CHST11: variants seen among roughly 807,000 people sequenced by gnomAD.
CHST11 encodes the protein C4S-1.
A neutral mutation model predicts 30.4 loss-of-function variants in CHST11; 9 were observed. The observed-to-expected ratio is 0.30, with a 90% CI of 0.18 to 0.52. The LOEUF (loss-of-function observed/expected upper bound fraction) is 0.52. Ranked by LOEUF, CHST11 falls within the 20% of genes least tolerant of loss-of-function variation. The pLI is 0.97. For missense variants in CHST11, 348 were observed against 460.6 expected, an observed-to-expected ratio of 0.76 and a Z score of 2.24; for synonymous variants, 152 against 187.8, an observed-to-expected ratio of 0.81 and a Z score of 1.56.
In CHST11 at chr12:104,729,675, G is replaced by A. The variant is rs539310943; in HGVS notation, c.205-27274G>A. On this transcript the variant is annotated intron_variant, in intron 2 of 2. Transcript: ENST00000303694. The surrounding 1 kb of genome is among the most constrained non-coding windows in gnomAD (Gnocchi z 4.0). Reference sequence around the variant, plus strand: ...TCGCAACTTGAACCTTGCTGGAGAAGTGAGAAGTGGGTGTGCAGAATCGTA... The same window carrying A: ...TCGCAACTTGAACCTTGCTGGAGAAATGAGAAGTGGGTGTGCAGAATCGTA... Among the ~76,000 whole-genome samples the A allele has an allele frequency of 1.3e-5, 2 of 152,328 alleles. No homozygotes were observed. The highest frequency in any genetic ancestry group is 4.8e-5 in the African/African-American group (2 of 41,592).
intron 1 of CHST11, among the ~76,000 whole-genome samples, chr12:104,577,354 C>T (rs532161115): frequency 1.4e-5 from 2 of 147,216 alleles, no homozygotes; most frequent in East Asian, 2.1e-4. Context: ...AGTACATTCA[C>T]GTTGTGTTCA....
chr12:104,738,194 C>T (rs1020690780), intron 2 of CHST11, among the ~76,000 whole-genome samples: 9 of 152,070 alleles, frequency 5.9e-5, no homozygotes, highest in Non-Finnish European at 1.3e-4. Flanking sequence ...TTCAGCAGAC[C>T]GGCCTGCCCT....
At chr12:104,463,228 C>A (rs2135949231) in intron 1 of CHST11, among the ~76,000 whole-genome samples, 1 of 152,298 alleles carries the variant, frequency 6.6e-6, no homozygotes, top group Non-Finnish European at 1.5e-5. Context: ...TGCCAGCAGG[C>A]CTCTTCTAAG....
intron 2 of CHST11, among the ~76,000 whole-genome samples, chr12:104,623,508 C>G (rs1566012469): frequency 6.6e-6 from 1 of 152,070 alleles, no homozygotes; most frequent in African/African-American, 2.4e-5. Context: ...GCTGGGAGTT[C>G]GAGACTAGCC....
chr12:104,464,940 T>G (rs2037444213), intron 1 of CHST11, among the ~76,000 whole-genome samples: 1 of 152,214 alleles, frequency 6.6e-6, no homozygotes, highest in Non-Finnish European at 1.5e-5. Context: ...GTATTATTGA[T>G]TCCAGAACAT....
intron 2 of CHST11, among the ~76,000 whole-genome samples, chr12:104,653,024 C>T (rs948091234): frequency 2.6e-5 from 4 of 152,248 alleles, no homozygotes; most frequent in East Asian, 1.9e-4. Context: ...AATGTGCCAT[C>T]GTAACCATTT....
chr12:104,637,312 A>ACTC (rs1392407063), intron 2 of CHST11, among the ~76,000 whole-genome samples: 18,738 of 48,458 alleles, frequency 0.39, 4,174 homozygotes, highest in East Asian at 0.52. Flanking sequence ...TAAAAAAAAA[A>ACTC]AAAAAAAAAA....
intron 2 of CHST11, among the ~76,000 whole-genome samples, chr12:104,643,211 A>G (rs747582599): frequency 5.3e-5 from 8 of 151,954 alleles, no homozygotes; most frequent in Non-Finnish European, 1.2e-4. Context: ...CTGTAGTCCC[A>G]GCTACTTGTG....
At chr12:104,514,425 C>T in intron 1 of CHST11, 1 of 914,942 alleles carries the variant, frequency 1.1e-6, no homozygotes, top group Non-Finnish European at 1.8e-6. Context: ...CTTCCTCATC[C>T]TCTTCACCAT....
intron 2 of CHST11, among the ~76,000 whole-genome samples, chr12:104,606,129 T>C (rs968095760): frequency 8.1e-6 from 1 of 122,978 alleles, no homozygotes; most frequent in Non-Finnish European, 1.6e-5. Context: ...CCAAACAGTG[T>C]CCAAGGGATT....
At chr12:104,711,701 A>G (rs1466382259) in intron 2 of CHST11, among the ~76,000 whole-genome samples, 2 of 152,162 alleles carry the variant, frequency 1.3e-5, no homozygotes, top group Non-Finnish European at 2.9e-5. Context: ...TTTAAAGACA[A>G]GTGATGCTTT....
At chr12:104,504,892 A>G (rs916082787) in intron 1 of CHST11, among the ~76,000 whole-genome samples, 2 of 152,146 alleles carry the variant, frequency 1.3e-5, no homozygotes, top group African/African-American at 4.8e-5. Flanking sequence ...GCCTTAATCA[A>G]TATTTTAAAA....
chr12:104,545,977 A>T (rs1227370366), intron 1 of CHST11, among the ~76,000 whole-genome samples: 1 of 152,036 alleles, frequency 6.6e-6, no homozygotes, highest in Non-Finnish European at 1.5e-5. Context: ...TCTGTTTTAT[A>T]AAGGCATCAA....
chr12:104,560,688 TTA>T lies in CHST11; in HGVS notation c.119-41217_119-41216del, dbSNP rs527296469. Among the ~76,000 whole-genome samples, 277 of 152,360 alleles carry T rather than the reference TTA, an allele frequency of 1.8e-3. 3 individuals carry two copies. The highest frequency in any genetic ancestry group is 6.5e-3 in the African/African-American group (270 of 41,592). On this transcript the variant is annotated intron_variant, in intron 1 of 2. Coordinates refer to ENST00000303694, the MANE Select transcript of CHST11 (RefSeq NM_018413.6). ...GATTTGTCATTTAACCTCTACAAGCTTAGTTTCTGCAGGTGATGTCCTTGTTC... is the reference window on the plus strand; with the variant it reads ...GATTTGTCATTTAACCTCTACAAGCTGTTTCTGCAGGTGATGTCCTTGTTC...
At chr12:104,665,421 C>G (rs2136091093) in intron 2 of CHST11, among the ~76,000 whole-genome samples, 1 of 152,224 alleles carries the variant, frequency 6.6e-6, no homozygotes, top group South Asian at 2.1e-4. Context: ...TCAAACTGTG[C>G]CATCTGCATG....
rs538086624 is a variant in CHST11 at position 104,750,797 on chromosome 12, G to A, written c.205-6152G>A. Among the ~76,000 whole-genome samples the A allele has an allele frequency of 1.6e-4, 24 of 152,120 alleles. No individual in the cohort carries two copies. In the South Asian group the frequency reaches 1.7e-3, roughly 11 times the overall value. On this transcript the variant is annotated intron_variant, in intron 2 of 2. Transcript: ENST00000303694. Reference sequence around the variant, plus strand: ...TAATAATTTAAATCAACACTAGTCTGAAAATATTTTTATTTTTTGAGACAA... The same window carrying A: ...TAATAATTTAAATCAACACTAGTCTAAAAATATTTTTATTTTTTGAGACAA...
At chr12:104,535,994 C>T (rs1490076203) in intron 1 of CHST11, among the ~76,000 whole-genome samples, 1 of 152,122 alleles carries the variant, frequency 6.6e-6, no homozygotes, top group Non-Finnish European at 1.5e-5. Context: ...TTCAATGGTG[C>T]ATCAGCAACA....
intron 2 of CHST11, among the ~76,000 whole-genome samples, chr12:104,650,109 AC>A (rs1278981741): frequency 6.6e-6 from 1 of 152,214 alleles, no homozygotes; most frequent in Non-Finnish European, 1.5e-5. Context: ...ATTACTTTAC[AC>A]TTGGTATTTT....
At chr12:104,618,224 C>CTTTTT (rs1375360622) in intron 2 of CHST11, among the ~76,000 whole-genome samples, 6 of 73,386 alleles carry the variant, frequency 8.2e-5, no homozygotes, top group Admixed American at 2.6e-4. Flanking sequence ...CTTTTCTTTT[C>CTTTTT]TTTTTTTTTT....
Sources: allele counts gnomAD v4.1 joint callset (sites outside exome capture counted in the v4.1 genomes callset), GRCh38; gene constraint gnomAD v4.1.1; non-coding constraint Gnocchi (gnomAD v3.1); transcripts MANE v1.5; gene names NCBI Gene and HGNC (gene_info 2026-07-23, HGNC 2026-07-21).